Variants in KLRG1 observed in about 807,000 individuals in gnomAD.
The protein encoded by KLRG1 is killer cell lectin-like receptor subfamily G member 1.
KLRG1 carries 16 observed loss-of-function variants against 21.8 expected under a neutral mutation model. The observed-to-expected ratio is 0.73, with a 90% CI of 0.50 to 1.11. The LOEUF (loss-of-function observed/expected upper bound fraction) is 1.11, where lower values mean the gene tolerates loss of function less well. Among genes scored for constraint, KLRG1 ranks in the 50% most tolerant of loss-of-function variants. The probability of loss-of-function intolerance (pLI) is 0.00; values close to 1 mark genes in which losing one functional copy is unlikely to be tolerated. For missense variants in KLRG1, 173 were observed against 218.3 expected, an observed-to-expected ratio of 0.79 and a Z score of 1.31; for synonymous variants, 69 against 75.9, an observed-to-expected ratio of 0.91 and a Z score of 0.47.
chr12:9,184,052 A>C, the KLRG1 span, among the ~76,000 whole-genome samples: 3 of 152,212 alleles, frequency 2.0e-5, no homozygotes, highest in Non-Finnish European at 4.4e-5. Flanking sequence ...AATGTCATAA[A>C]ACCAGAAAAA....
the KLRG1 span, among the ~76,000 whole-genome samples, chr12:9,034,089 A>G: frequency 4.6e-5 from 7 of 152,220 alleles, no homozygotes; most frequent in Non-Finnish European, 7.3e-5. Flanking sequence ...TGTGTATTGT[A>G]TCAGTCAGGT....
the KLRG1 span, chr12:9,181,030 G>A: frequency 2.6e-3 from 4,256 of 1,614,110 alleles, 177 homozygotes; most frequent in East Asian, 0.081. Context: ...AGCACACTTT[G>A]GTCCACAGCA....
chr12:9,100,523 C>G, the KLRG1 span, among the ~76,000 whole-genome samples: 1 of 152,084 alleles, frequency 6.6e-6, no homozygotes, highest in Non-Finnish European at 1.5e-5. Flanking sequence ...AAGAGATCCT[C>G]CCATCCCGTT....
the KLRG1 span, among the ~76,000 whole-genome samples, chr12:9,087,897 C>T: frequency 6.6e-6 from 1 of 152,036 alleles, no homozygotes; most frequent in Non-Finnish European, 1.5e-5. Flanking sequence ...TGCATATGTT[C>T]ATTAAGAGGC....
chr12:9,006,236 G>A (rs1178997559), intron 3 of KLRG1, among the ~76,000 whole-genome samples: 3 of 152,164 alleles, frequency 2.0e-5, no homozygotes, highest in Non-Finnish European at 4.4e-5. Flanking sequence ...GGTGATATGT[G>A]CTTTAAAGAA....
the KLRG1 span, chr12:9,107,699 T>G: frequency 6.3e-7 from 1 of 1,598,096 alleles, no homozygotes; most frequent in Non-Finnish European, 8.6e-7. Context: ...CTCCCCATTT[T>G]CTAGCTATTT....
the KLRG1 span, chr12:9,192,806 A>G: frequency 1.8e-6 from 2 of 1,137,658 alleles, no homozygotes; most frequent in Non-Finnish European, 2.6e-6. Flanking sequence ...TCTCACCAAA[A>G]TGAATAGTTA....
chr12:9,051,684 T>G, the KLRG1 span, among the ~76,000 whole-genome samples: 1 of 152,176 alleles, frequency 6.6e-6, no homozygotes, highest in East Asian at 1.9e-4. Context: ...CCATTACTTA[T>G]AAAATAACAT....
At chr12:9,130,468 G>GT in the KLRG1 span, among the ~76,000 whole-genome samples, 1,984 of 147,140 alleles carry the variant, frequency 0.013, 39 homozygotes, top group African/African-American at 0.044. Flanking sequence ...GTTACTTTCT[G>GT]TTTTTTTTTT....
At chr12:8,999,771 G>T (rs1279815515) in intron 3 of KLRG1, among the ~76,000 whole-genome samples, 3 of 152,146 alleles carry the variant, frequency 2.0e-5, no homozygotes. Flanking sequence ...GGGCGTGGTG[G>T]CTCACGCCTG....
chr12:9,129,708 C>T, the KLRG1 span, among the ~76,000 whole-genome samples: 2 of 151,996 alleles, frequency 1.3e-5, no homozygotes, highest in East Asian at 1.9e-4. Context: ...CCACCACGCC[C>T]GGCTACTTTT....
chr12:9,182,213 C>T, the KLRG1 span: 5 of 1,172,104 alleles, frequency 4.3e-6, no homozygotes, highest in South Asian at 2.2e-5. Flanking sequence ...GTCTTATCCA[C>T]TTGAGAACTG....
At chr12:8,979,891 C>T (rs1364233094) in intron 1 of KLRG1, among the ~76,000 whole-genome samples, 1 of 151,802 alleles carries the variant, frequency 6.6e-6, no homozygotes, top group Non-Finnish European at 1.5e-5. Context: ...TCTATAATTT[C>T]TGCTTTTTTT....
chr12:9,095,552 T>C, the KLRG1 span: 1 of 1,612,086 alleles, frequency 6.2e-7, no homozygotes, highest in Non-Finnish European at 8.5e-7. Flanking sequence ...TAGGAAGCTG[T>C]ACATATCCTT....
chr12:9,138,584 TA>T, the KLRG1 span, among the ~76,000 whole-genome samples: 147 of 152,094 alleles, frequency 9.7e-4, no homozygotes, highest in Non-Finnish European at 1.7e-3. Context: ...GGCACTTTTT[TA>T]AAAAAATGTG....
chr12:9,076,700 A>G, the KLRG1 span: 5 of 1,586,084 alleles, frequency 3.2e-6, no homozygotes, highest in Non-Finnish European at 4.3e-6. Context: ...GATTTTTGCC[A>G]TGCAGTTCTT....
At chr12:9,068,123 G>A in the KLRG1 span, 1 of 1,568,420 alleles carries the variant, frequency 6.4e-7, no homozygotes, top group South Asian at 1.2e-5. Flanking sequence ...TGAAGGAGAA[G>A]GTTTGGGGGG....
chr12:9,009,833 G>A lies in KLRG1; in HGVS notation c.*296G>A, dbSNP rs762824378. ...AACTAATGCTGCCACTCTCATCCCC[G>A]TCCCAACCATCTCTGTCAAAAATAT... On this transcript the variant is annotated 3_prime_UTR_variant, in exon 5 of 5. Coordinates refer to ENST00000356986, the MANE Select transcript of KLRG1 (RefSeq NM_005810.4). The A allele has an allele frequency of 1.3e-5, 19 of 1,441,036 alleles. No homozygotes were observed. The African/African-American group carries it at 1.9e-4, about 14-fold the overall frequency. The allele number at this position is 1,441,036 out of a possible 1,614,324, so 89.3% of individuals were successfully genotyped here. A position where few individuals can be genotyped will look rare whatever the true frequency, so the allele number is the denominator to read the frequency against.
the KLRG1 span, chr12:9,106,458 G>C: frequency 6.8e-7 from 1 of 1,461,224 alleles, no homozygotes; most frequent in Non-Finnish European, 9.5e-7. Flanking sequence ...AATGCCTGTT[G>C]TGTTTTCTCT....
Sources: gnomAD v4.1 joint callset for allele counts (sites outside exome capture counted in the v4.1 genomes callset) on GRCh38, gnomAD v4.1.1 for gene constraint, MANE v1.5 for transcripts, NCBI Gene and HGNC (gene_info 2026-07-23, HGNC 2026-07-21) for gene names.